The following ABCA8 variants were observed in gnomAD, a reference collection of about 807,000 sequenced individuals.
The protein encoded by ABCA8 is ATP binding cassette subfamily A member 8.
In ABCA8, 177 loss-of-function variants were observed where a neutral mutation model predicts 192.3. The ratio of observed to expected loss-of-function variants is 0.92; its 90% CI spans 0.81 to 1.04. ABCA8 has a LOEUF of 1.04. Among genes scored for constraint, ABCA8 ranks in the 50% least tolerant of loss-of-function variants. The probability of loss-of-function intolerance (pLI) is 0.00; values close to 1 mark genes in which losing one functional copy is unlikely to be tolerated. For synonymous variants in ABCA8, 642 were observed against 690.2 expected, an observed-to-expected ratio of 0.93 and a Z score of 1.09; for missense variants, 1,915 against 1,904.8, an observed-to-expected ratio of 1.01 and a Z score of -0.10.
rs747132489 is a variant in ABCA8, at chr17:68,876,681, G to C, written c.4222C>G (p.Gln1408Glu). 2 of 1,614,174 alleles carry C rather than the reference G, an allele frequency of 1.2e-6. No individual in the cohort carries two copies. Among genetic ancestry groups the C allele is most frequent in the Non-Finnish European group, 1.7e-6 (2 of 1,180,026 alleles). The change falls in exon 34 of 40, where the codon CAG becomes GAG. Residue 1408 changes from glutamine (Q) to glutamate (E), a missense_variant. By Grantham distance (29) the Gln-to-Glu change is conservative. Transcript: ENST00000586539. ...TTCACGGGAGACTTCAGCTGGTCCT[G>C]CAGCTTGAGCGCATCCACTAACCTG... The part of the protein sequence containing the change: ...ITRLVDALKL[Q>E]DQLKSPVKTL...
intron 21 of ABCA8, among the ~76,000 whole-genome samples, chr17:68,901,680 C>T (rs1357645983): frequency 6.6e-6 from 1 of 152,014 alleles, no homozygotes; most frequent in African/African-American, 2.4e-5. Flanking sequence ...TGGTGGCAAG[C>T]TCCTGTAGTC....
chr17:68,941,358 T>C (rs1325898639), intron 3 of ABCA8, among the ~76,000 whole-genome samples: 2 of 152,128 alleles, frequency 1.3e-5, no homozygotes, highest in Admixed American at 1.3e-4. Flanking sequence ...CTTTACGATG[T>C]ATGTATAGTG....
intron 37 of ABCA8, among the ~76,000 whole-genome samples, chr17:68,874,423 CA>C (rs1319088525): frequency 2.6e-5 from 4 of 152,156 alleles, no homozygotes; most frequent in African/African-American, 9.7e-5. Context: ...TTTTGTTTCT[CA>C]GATAAATGTT....
chr17:68,877,356 A>T, intron 33 of ABCA8, 163 bp downstream of exon 33: 1 of 602,452 alleles, frequency 1.7e-6, no homozygotes, highest in Non-Finnish European at 2.7e-6. Context: ...AAAGAAACTT[A>T]ATACTTTGAT....
intron 19 of ABCA8, among the ~76,000 whole-genome samples, chr17:68,903,992 G>A (rs529558237): frequency 6.6e-6 from 1 of 152,204 alleles, no homozygotes; most frequent in Admixed American, 6.5e-5. Flanking sequence ...GCTGTCCATT[G>A]TATAATGCTA....
intron 11 of ABCA8, among the ~76,000 whole-genome samples, chr17:68,923,731 T>C (rs2067611631): frequency 6.6e-6 from 1 of 152,068 alleles, no homozygotes; most frequent in East Asian, 1.9e-4. Context: ...AAGAACAAAA[T>C]GAAATGGGCT....
In ABCA8 at chr17:68,882,667, C is replaced by A; in HGVS notation, c.3760G>T (p.Glu1254Ter). ...CTTTCCATCTGAACATCTTCATCCT[C>A]TCCTTCTGGTTCTTCTGGATTTTGA... Reference protein sequence around the residue: ...VCQNPEEPEGEDEDVQMERVR... With the variant: ...VCQNPEEPEG The change falls in exon 30 of 40, where the codon GAG (glutamate) becomes TAG (stop). Residue 1254 changes from glutamate (E) to a stop codon, truncating the protein, a stop_gained. Transcript: ENST00000586539. LOFTEE classifies it high-confidence loss of function. The A allele has an allele frequency of 6.2e-7, 1 of 1,613,020 alleles. No homozygotes were observed. Among genetic ancestry groups the A allele is most frequent in the Non-Finnish European group, 8.5e-7 (1 of 1,179,446 alleles).
At chr17:68,905,347 T>C (rs964529812) in intron 19 of ABCA8, among the ~76,000 whole-genome samples, 9 of 152,148 alleles carry the variant, frequency 5.9e-5, no homozygotes, top group Non-Finnish European at 1.2e-4. Flanking sequence ...CATGTTAGAA[T>C]TAAAATACAC....
In ABCA8 at chr17:68,884,379, G is replaced by C; in HGVS notation, c.3567C>G (p.Leu1189=). The C allele has an allele frequency of 6.3e-7, 1 of 1,592,144 alleles. No homozygotes were observed. Among genetic ancestry groups the C allele is most frequent in the East Asian group, 2.3e-5 (1 of 44,060 alleles). Residue 1189 remains leucine (L), a synonymous_variant, in exon 28 of 40, where the codon CTC becomes CTG. Transcript: ENST00000586539. ...GTACATCCATTCGTTCTTCAGAAAA[G>C]AGAGAAGAAAAGAGAAGCTGCAAAA... ...FLSSHLLFSS[L]FSEERMDVQP...
intron 7 of ABCA8, chr17:68,932,001 G>C (rs1254743821): frequency 2.2e-5 from 5 of 228,968 alleles, no homozygotes; most frequent in South Asian, 7.5e-5. Flanking sequence ...ACGAGGTCAG[G>C]AGATCGAGAC....
intron 17 of ABCA8, among the ~76,000 whole-genome samples, chr17:68,916,175 C>G (rs1322363344): frequency 6.6e-6 from 1 of 151,600 alleles, no homozygotes; most frequent in Admixed American, 6.6e-5. Context: ...TACAATAATA[C>G]TGTTAGTAGA....
chr17:68,875,470 T>C, intron 36 of ABCA8, 70 bp from the exon 37 acceptor site: 1 of 1,604,268 alleles, frequency 6.2e-7, no homozygotes, highest in Non-Finnish European at 8.5e-7. Context: ...GAAACTTGAT[T>C]TGCTGCTAGC....
In ABCA8 at chr17:68,940,860, C is replaced by T. The variant is rs1463211055; in HGVS notation, c.199G>A (p.Val67Ile). The change falls in exon 4 of 40, where the codon GTA becomes ATA. Residue 67 changes from valine (V) to isoleucine (I), a missense_variant. By Grantham distance (29) the Val-to-Ile change is conservative. Transcript: ENST00000586539. ...SSLLTMDLGRVDTFNESRFSV... is the reference protein window; with the variant it reads ...SSLLTMDLGRIDTFNESRFSV... ...AATCTGGATTCATTAAATGTATCTA[C>T]CCGTCCCAGGTCCATGGTAAGCAGT... 1.2e-6 allele frequency: 2 copies of T among 1,613,278 alleles called. No homozygotes were observed. The highest frequency in any genetic ancestry group is 1.7e-5 in the Admixed American group (1 of 59,962).
In ABCA8 at chr17:68,929,148, C is replaced by G. The variant is rs201781578; in HGVS notation, c.1026G>C (p.Gly342=). Residue 342 remains glycine (G), a synonymous_variant, in exon 9 of 40, where the codon GGG becomes GGC. Coordinates refer to ENST00000586539, the MANE Select transcript of ABCA8 (RefSeq NM_001288985.2). ...TGTACAGTGATGTGAACCCCAGACA[C>G]CCCCAAAAGACAGTGAGGAGGAACA... ...LVVFLLTVFW[G]CLGFTSLYRH... 1 of 1,611,570 alleles carries G rather than the reference C, an allele frequency of 6.2e-7. No homozygotes were observed. Among genetic ancestry groups the G allele is most frequent in the Non-Finnish European group, 8.5e-7 (1 of 1,178,606 alleles).
intron 17 of ABCA8, among the ~76,000 whole-genome samples, chr17:68,916,129 T>G (rs2067353794): frequency 2.6e-5 from 4 of 151,654 alleles, no homozygotes. Context: ...CTGAGAAGGG[T>G]AGTGGGGTGG....
Position 68,933,851 on chromosome 17 carries a change from G to A in ABCA8, c.467-580C>T, listed in dbSNP as rs145362130. Among the ~76,000 whole-genome samples, 334 of 152,108 alleles carry A rather than the reference G, an allele frequency of 2.2e-3. 2 individuals carry two copies. Among genetic ancestry groups the A allele is most frequent in the African/African-American group, 7.7e-3 (320 of 41,446 alleles). Reference sequence around the variant, plus strand: ...TCCTTGAATAAGATGAATTAAAATTGAGTATAGGAATTAAATGCATATTAC... The same window carrying A: ...TCCTTGAATAAGATGAATTAAAATTAAGTATAGGAATTAAATGCATATTAC... On this transcript the variant is annotated intron_variant, in intron 5 of 39. Coordinates refer to ENST00000586539, the MANE Select transcript of ABCA8 (RefSeq NM_001288985.2).
chr17:68,952,978 CAGA>C (rs2068611725), intron 1 of ABCA8, among the ~76,000 whole-genome samples: 2 of 152,086 alleles, frequency 1.3e-5, no homozygotes, highest in South Asian at 2.1e-4. Context: ...AAATACTTCC[CAGA>C]AGAAGATAAT....
intron 7 of ABCA8, chr17:68,931,761 C>CTTTTTTTTTT (rs71144640): frequency 1.2e-4 from 12 of 96,192 alleles, no homozygotes; most frequent in Non-Finnish European, 2.2e-4. Flanking sequence ...AATACATTTC[C>CTTTTTTTTTT]TTTTTTTTTT....
chr17:68,876,268 A>G (rs2066202234), intron 35 of ABCA8, 192 bp downstream of exon 35: 2 of 680,560 alleles, frequency 2.9e-6, no homozygotes, highest in South Asian at 2.0e-5. Flanking sequence ...TCTTTCTTCA[A>G]TAAGAAATGG....
Sources: gnomAD v4.1 joint callset for allele counts (sites outside exome capture counted in the v4.1 genomes callset) on GRCh38, gnomAD v4.1.1 for gene constraint, MANE v1.5 for transcripts, NCBI Gene and HGNC (gene_info 2026-07-23, HGNC 2026-07-21) for gene names.